Variants in ZMYM5 observed in about 807,000 individuals in gnomAD.
ZMYM5 encodes the protein zinc finger MYM-type protein 5.
In ZMYM5, 41 loss-of-function variants were observed where a neutral mutation model predicts 61.8. The observed-to-expected ratio is 0.66, with a 90% CI of 0.52 to 0.86. The LOEUF is 0.86. Ranked by LOEUF, ZMYM5 falls within the 40% of genes least tolerant of loss-of-function variation. The probability of loss-of-function intolerance (pLI) is 0.00; values close to 1 mark genes in which losing one functional copy is unlikely to be tolerated. For synonymous variants in ZMYM5, 257 were observed against 276.4 expected (o/e 0.93, Z 0.70); for missense variants, 706 against 786.7 (o/e 0.90, Z 1.23).
chr13:19,834,453 TA>T (rs1447331430), intron 7 of ZMYM5, among the ~76,000 whole-genome samples: 1 of 150,378 alleles, frequency 6.6e-6, no homozygotes, highest in South Asian at 2.1e-4. Flanking sequence ...TACCACATTT[TA>T]ATTTTTTTTT....
chr13:19,856,061 C>T (rs1255916221), intron 2 of ZMYM5, among the ~76,000 whole-genome samples: 2 of 151,416 alleles, frequency 1.3e-5, no homozygotes, highest in African/African-American at 4.8e-5. Flanking sequence ...ACAACAACAA[C>T]AAAACTACTA....
intron 7 of ZMYM5, among the ~76,000 whole-genome samples, chr13:19,829,126 A>C (rs1891074724): frequency 6.6e-6 from 1 of 152,112 alleles, no homozygotes; most frequent in Non-Finnish European, 1.5e-5. Context: ...CAAAACAAAA[A>C]AAACCAGATA....
chr13:19,854,005 A>G (rs1953414917), intron 2 of ZMYM5, among the ~76,000 whole-genome samples: 1 of 152,030 alleles, frequency 6.6e-6, no homozygotes, highest in Non-Finnish European at 1.5e-5. Flanking sequence ...TAAACATCTC[A>G]TATTGAAACA....
rs574611967 is a variant in ZMYM5 at position 19,861,509 on chromosome 13, T to C, written c.-11+890A>G. On this transcript the variant is annotated intron_variant, in intron 2 of 7. Transcript: ENST00000337963. ...CTAAGTTTAACTAATTAAAGAGATA[T>C]GCTGTGAAATGTAAGAAAATAAGAG... 5.9e-5 allele frequency among the ~76,000 whole-genome samples: 9 copies of C among 152,226 alleles called. No homozygotes were observed. The South Asian group carries it at 1.0e-3, about 18-fold the overall frequency.
At chr13:19,858,608 A>AT (rs1953599088) in intron 2 of ZMYM5, among the ~76,000 whole-genome samples, 1 of 150,604 alleles carries the variant, frequency 6.6e-6, no homozygotes, top group African/African-American at 2.4e-5. Flanking sequence ...AAAAAAAAAA[A>AT]GATGGCCGAT....
At chr13:19,840,968 C>T (rs1346344848) in intron 4 of ZMYM5, among the ~76,000 whole-genome samples, 6 of 147,916 alleles carry the variant, frequency 4.1e-5, no homozygotes, top group African/African-American at 7.5e-5. Flanking sequence ...TGAGCCACCG[C>T]GCCCGGCCCA....
intron 7 of ZMYM5, among the ~76,000 whole-genome samples, chr13:19,832,546 C>T (rs899324589): frequency 4.6e-5 from 7 of 152,050 alleles, no homozygotes; most frequent in Non-Finnish European, 7.3e-5. Context: ...AGGCTGGTCT[C>T]GAACTCCTGA....
chr13:19,852,272 T>A, intron 2 of ZMYM5, 82 bp from the exon 3 acceptor site: 1 of 1,401,466 alleles, frequency 7.1e-7, no homozygotes, highest in South Asian at 1.7e-5. Flanking sequence ...CACAAGCAAA[T>A]TTTTCAAATT....
chr13:19,850,885 G>C (rs1953263840), intron 4 of ZMYM5, among the ~76,000 whole-genome samples: 1 of 152,136 alleles, frequency 6.6e-6, no homozygotes. Context: ...AGACCGTACA[G>C]TTTTATTAAG....
chr13:19,834,328 A>G (rs914101227), intron 7 of ZMYM5, among the ~76,000 whole-genome samples: 1 of 148,922 alleles, frequency 6.7e-6, no homozygotes, highest in Non-Finnish European at 1.5e-5. Flanking sequence ...TTTTCCAAAT[A>G]TATTTATTTT....
intron 2 of ZMYM5, among the ~76,000 whole-genome samples, chr13:19,856,938 C>G (rs372067584): frequency 9.9e-5 from 15 of 152,206 alleles, no homozygotes; most frequent in African/African-American, 3.6e-4. Flanking sequence ...AACCCCGCCT[C>G]TACTAAAAAT....
rs759239550 is a variant in ZMYM5 at position 19,838,864 on chromosome 13, A to T, written c.708T>A (p.Leu236=). The T allele has an allele frequency of 3.1e-6, 5 of 1,614,122 alleles. No homozygotes were observed. In the South Asian group the frequency reaches 3.3e-5, roughly 11 times the overall value. The change falls in exon 5 of 8, where the codon CTT becomes CTA. Residue 236 remains leucine, a synonymous_variant. Coordinates refer to ENST00000337963, the MANE Select transcript of ZMYM5 (RefSeq NM_001142684.2). ...QNFQPTAQQQ[L]TKPAKITCAN... The stretch of plus-strand genomic sequence containing the variant: ...CACAAGTGATTTTAGCTGGTTTAGT[A>T]AGTTGTTGTTGGGCTGTAGGCTGGA...
rs185308567 is a variant in ZMYM5 at position 19,856,228 on chromosome 13, C to T, written c.-10-4038G>A. On this transcript the variant is annotated intron_variant, in intron 2 of 7. Coordinates refer to ENST00000337963, the MANE Select transcript of ZMYM5 (RefSeq NM_001142684.2). Reference sequence around the variant, plus strand: ...TGTGGCAGTGGGCAAATTATGTCACCTGAGTTTTAGTTTCCTAAACTGTGA... The same window carrying T: ...TGTGGCAGTGGGCAAATTATGTCACTTGAGTTTTAGTTTCCTAAACTGTGA... Among the ~76,000 whole-genome samples the T allele has an allele frequency of 4.9e-4, 74 of 152,200 alleles. 1 individual carries two copies. Among genetic ancestry groups the T allele is most frequent in the African/African-American group, 1.6e-3 (65 of 41,520 alleles).
intron 7 of ZMYM5, among the ~76,000 whole-genome samples, chr13:19,834,964 T>A (rs536201216): frequency 2.6e-5 from 4 of 151,306 alleles, no homozygotes; most frequent in East Asian, 2.0e-4. Flanking sequence ...GGATTACAAG[T>A]GTTAGCCACT....
intron 7 of ZMYM5, among the ~76,000 whole-genome samples, chr13:19,832,056 C>G (rs1891253619): frequency 6.6e-6 from 1 of 151,692 alleles, no homozygotes; most frequent in African/African-American, 2.4e-5. Context: ...CGGAGTTTCA[C>G]CATGTTGGCC....
chr13:19,837,365 A>G (rs939383419), intron 6 of ZMYM5: 1 of 1,328,940 alleles, frequency 7.5e-7, no homozygotes, highest in East Asian at 3.3e-5. Context: ...TTGAGACTAC[A>G]TTTTTATTTA....
At chr13:19,858,760 A>G (rs1182235374) in intron 2 of ZMYM5, among the ~76,000 whole-genome samples, 3 of 152,140 alleles carry the variant, frequency 2.0e-5, no homozygotes, top group Non-Finnish European at 4.4e-5. Flanking sequence ...CCAACCTGAG[A>G]TAGCCAGAGT....
intron 7 of ZMYM5, among the ~76,000 whole-genome samples, chr13:19,828,798 T>C (rs551197780): frequency 1.4e-4 from 21 of 152,308 alleles, no homozygotes; most frequent in African/African-American, 4.8e-4. Flanking sequence ...AGTTTCTGAA[T>C]GGGCATTTGG....
intron 2 of ZMYM5, among the ~76,000 whole-genome samples, chr13:19,861,482 T>C (rs1737263254): frequency 6.6e-6 from 1 of 152,130 alleles, no homozygotes; most frequent in African/African-American, 2.4e-5. Context: ...CCTGCCACAG[T>C]CCTAAGTTTA....
Sources: allele counts gnomAD v4.1 joint callset (sites outside exome capture counted in the v4.1 genomes callset), GRCh38; gene constraint gnomAD v4.1.1; transcripts MANE v1.5; gene names NCBI Gene and HGNC (gene_info 2026-07-23, HGNC 2026-07-21).